Variants in PRPF8 observed in about 807,000 individuals in gnomAD.
PRPF8 encodes the protein pre-mRNA-processing-splicing factor 8.
In PRPF8, 64 loss-of-function variants were observed where a neutral mutation model predicts 285.9. The ratio of observed to expected loss-of-function variants is 0.22; its 90% CI spans 0.18 to 0.28. The LOEUF (loss-of-function observed/expected upper bound fraction) is 0.28. PRPF8 is among the 10% of genes least tolerant of loss of function. The pLI is 1.00. For synonymous variants in PRPF8, 1,325 were observed against 1,118.2 expected, an observed-to-expected ratio of 1.18 and a Z score of -3.69; for missense variants, 1,426 against 3,026.7, an observed-to-expected ratio of 0.47 and a Z score of 12.41.
At position 1,662,593 on chromosome 17, in the gene PRPF8, GA is replaced by G. The variant is rs113600062; in HGVS notation, c.3775-441del. 7.2e-3 allele frequency among the ~76,000 whole-genome samples: 950 copies of G among 132,670 alleles called. 9 individuals are homozygous for G. Among genetic ancestry groups the G allele is most frequent in the African/African-American group, 0.017 (596 of 35,986 alleles). The allele number at this position is 132,670 out of a possible 152,430, so 87.0% of individuals were successfully genotyped here. A position where few individuals can be genotyped will look rare whatever the true frequency, so the allele number is the denominator to read the frequency against. ...AACACAGCGAGACTCCATCTCAGGG[GA>G]AAAAAAAAAAAAAATGGTTCCCCTG... On this transcript the variant is annotated intron_variant, in intron 24 of 42. Transcript: ENST00000304992.
At position 1,659,133 on chromosome 17, in the gene PRPF8, C is replaced by G; in HGVS notation, c.5138+224G>C. 1.5e-6 allele frequency: 1 copy of G among 658,614 alleles called. No individual in the cohort carries two copies. The highest frequency in any genetic ancestry group is 2.7e-6 in the Non-Finnish European group (1 of 370,730). The allele number at this position is 658,614 out of a possible 1,614,324, so 40.8% of individuals were successfully genotyped here. A position where few individuals can be genotyped will look rare whatever the true frequency, so the allele number is the denominator to read the frequency against. On this transcript the variant is annotated intron_variant, in intron 32 of 42. Coordinates refer to ENST00000304992, the MANE Select transcript of PRPF8 (RefSeq NM_006445.4). The surrounding 1 kb of genome is among the most constrained non-coding windows in gnomAD (Gnocchi z 5.1). ...CTCCGCCTCCCGGGTTCAAGTAATT[C>G]TCCCACCTCAACCTTCTGAGTAGCT...
intron 24 of PRPF8, chr17:1,672,877 C>A: frequency 3.2e-6 from 2 of 625,086 alleles, no homozygotes; most frequent in East Asian, 2.7e-5. Flanking sequence ...AAGAAGGAGG[C>A]TACACAATTT....
chr17:1,670,175 T>C (rs1283304246), intron 24 of PRPF8, among the ~76,000 whole-genome samples: 1 of 152,228 alleles, frequency 6.6e-6, no homozygotes, highest in Admixed American at 6.5e-5. Flanking sequence ...ATATGTATCT[T>C]GGAACTGAAG....
chr17:1,657,970 A>T (rs58844762), intron 34 of PRPF8, among the ~76,000 whole-genome samples: 9 of 81,284 alleles, frequency 1.1e-4, no homozygotes, highest in African/African-American at 1.1e-3. Flanking sequence ...GACTCCGGCT[A>T]AAAAAAAAAA....
intron 13 of PRPF8, 23 bp downstream of exon 13, chr17:1,678,495 A>T: frequency 6.2e-7 from 1 of 1,614,110 alleles, no homozygotes; most frequent in Non-Finnish European, 8.5e-7. Context: ...AAAAAAAGAA[A>T]GTCAGTAAAG....
rs200558108 is a variant in PRPF8, at chr17:1,655,475, C to T, written c.5862G>A (p.Leu1954=). 2.8e-5 allele frequency: 45 copies of T among 1,614,098 alleles called. No homozygotes were observed. Among genetic ancestry groups the T allele is most frequent in the East Asian group, 2.2e-4 (10 of 44,892 alleles). ...HVNNDRAKVI[L]KPDKTTITEP... ...CTGTAATAGTAGTCTTGTCTGGCTT[C>T]AGGATCACTTTTGCCCGATCGTTGT... The change falls in exon 37 of 43, where the codon CTG becomes CTA. Residue 1954 remains leucine, a synonymous_variant. Transcript: ENST00000304992.
At position 1,653,343 on chromosome 17, in the gene PRPF8, T is replaced by C; in HGVS notation, c.6369+199A>G. ...AATACTATCAGGCCAATACTACAAT[T>C]ACTACCTTCTCTCAGCTGCCACAGC... On this transcript the variant is annotated intron_variant, in intron 39 of 42. Transcript: ENST00000304992. This position sits in a 1 kb window ranked among gnomAD's most constrained non-coding sequence, Gnocchi z 4.9. 1.4e-6 allele frequency: 1 copy of C among 694,310 alleles called. No homozygotes were observed. Among genetic ancestry groups the C allele is most frequent in the Admixed American group, 2.2e-5 (1 of 46,158 alleles). The allele number at this position is 694,310 out of a possible 1,614,324, so 43.0% of individuals were successfully genotyped here.
chr17:1,669,389 G>A (rs564841152), intron 24 of PRPF8, among the ~76,000 whole-genome samples: 1 of 152,344 alleles, frequency 6.6e-6, no homozygotes, highest in Non-Finnish European at 1.5e-5. Flanking sequence ...ACGGGCGTGA[G>A]CCACTGTGTC....
chr17:1,673,921 C>T lies in PRPF8; in HGVS notation c.3300-29G>A. 1 of 1,608,532 alleles carries T rather than the reference C, an allele frequency of 6.2e-7. No homozygotes were observed. The highest frequency in any genetic ancestry group is 1.3e-5 in the African/African-American group (1 of 74,998). On this transcript the variant is annotated intron_variant, in intron 21 of 42. Transcript: ENST00000304992. The surrounding 1 kb of genome is among the most constrained non-coding windows in gnomAD (Gnocchi z 5.5). ...CACCAGACCAGGTACACTGCTGAGGCCCCAGTACACTGAGATTTGGGACAC... is the reference window on the plus strand; with the variant it reads ...CACCAGACCAGGTACACTGCTGAGGTCCCAGTACACTGAGATTTGGGACAC...
chr17:1,679,637 C>A lies in PRPF8; in HGVS notation c.1261G>T (p.Ala421Ser), dbSNP rs1597248306. 2.5e-6 allele frequency: 4 copies of A among 1,613,876 alleles called. No individual in the cohort carries two copies. The highest frequency in any genetic ancestry group is 3.4e-6 in the Non-Finnish European group (4 of 1,180,022). The change falls in exon 9 of 43, where the codon GCC (alanine) becomes TCC (serine). Residue 421 changes from alanine to serine, a missense_variant. Around this residue, in one of 34 missense-constraint regions of PRPF8, gnomAD observed 137 missense variants for 161.2 expected, o/e 0.85. Coordinates refer to ENST00000304992, the MANE Select transcript of PRPF8 (RefSeq NM_006445.4). This position sits in a 1 kb window ranked among gnomAD's most constrained non-coding sequence, Gnocchi z 4.7. ...TTCTTGACAAGGGGTATGTCCAGGG[C>A]CCGACGGGTGCGACCAGAGCGTAGG... ...FNLRSGRTRR[A>S]LDIPLVKNWY...
intron 24 of PRPF8, among the ~76,000 whole-genome samples, chr17:1,667,213 A>G (rs1912040783): frequency 6.6e-6 from 1 of 152,044 alleles, no homozygotes; most frequent in Admixed American, 6.5e-5. Flanking sequence ...TAGGCTAGAT[A>G]CTGGGGTAAA....
rs750212187 is a variant in PRPF8 at position 1,655,556 on chromosome 17, T to G, written c.5794-13A>C. The G allele has an allele frequency of 5.0e-6, 8 of 1,603,824 alleles. No homozygotes were observed. The highest frequency in any genetic ancestry group is 2.2e-5 in the East Asian group (1 of 44,836). ...GACGGGAGAAGGCCTGGGAAAAGATTTGGAAGAGTGGGGTAGGTCAGCTGC... is the reference window on the plus strand; with the variant it reads ...GACGGGAGAAGGCCTGGGAAAAGATGTGGAAGAGTGGGGTAGGTCAGCTGC... On this transcript the variant is annotated splice_polypyrimidine_tract_variant and intron_variant, in intron 36 of 42. Coordinates refer to ENST00000304992, the MANE Select transcript of PRPF8 (RefSeq NM_006445.4).
At chr17:1,670,647 C>T (rs113828182) in intron 24 of PRPF8, among the ~76,000 whole-genome samples, 13 of 152,166 alleles carry the variant, frequency 8.5e-5, no homozygotes, top group East Asian at 5.8e-4. Flanking sequence ...CCACCACGCC[C>T]GGCTAATTTT....
chr17:1,674,829 T>C, intron 20 of PRPF8, 149 bp from the exon 21 acceptor site: 1 of 847,772 alleles, frequency 1.2e-6, no homozygotes, highest in Non-Finnish European at 2.0e-6. Context: ...GAGAGTGCAC[T>C]GGCGCAATCT....
chr17:1,655,322 T>C (rs368367709), intron 37 of PRPF8, 28 bp downstream of exon 37: 11 of 1,611,820 alleles, frequency 6.8e-6, no homozygotes, highest in African/African-American at 4.0e-5. Context: ...ATAGACCTCC[T>C]GTCTGTGTCC....
In PRPF8 at chr17:1,652,579, T is replaced by C. The variant is rs148206008; in HGVS notation, c.6370-791A>G. On this transcript the variant is annotated intron_variant, in intron 39 of 42. Transcript: ENST00000304992. ...TCTCTTTTTTGAAGCAGGGTATCAC[T>C]CTGTCACCCAGGCTAGCAGGCAGTG... is the stretch of plus-strand genomic sequence containing the variant. 1.7e-3 allele frequency among the ~76,000 whole-genome samples: 257 copies of C among 152,248 alleles called. 3 individuals are homozygous for C. Among genetic ancestry groups the C allele is most frequent in the African/African-American group, 6.0e-3 (249 of 41,538 alleles).
Position 1,675,536 on chromosome 17 carries a change from C to G in PRPF8, c.2872+84G>C. Reference sequence around the variant, plus strand: ...ACTACCACGCATCAAGAGAGTAAACCAATCATGCTACCCAGATGAGATTTT... The same window carrying G: ...ACTACCACGCATCAAGAGAGTAAACGAATCATGCTACCCAGATGAGATTTT... On this transcript the variant is annotated intron_variant, in intron 19 of 42. Coordinates refer to ENST00000304992, the MANE Select transcript of PRPF8 (RefSeq NM_006445.4). This position sits in a 1 kb window ranked among gnomAD's most constrained non-coding sequence, Gnocchi z 6.0. 4.5e-6 allele frequency: 7 copies of G among 1,569,100 alleles called. No homozygotes were observed. The highest frequency in any genetic ancestry group is 6.1e-6 in the Non-Finnish European group (7 of 1,140,432).
At chr17:1,664,233 A>T (rs139709463) in intron 24 of PRPF8, among the ~76,000 whole-genome samples, 48 of 152,074 alleles carry the variant, frequency 3.2e-4, no homozygotes, top group African/African-American at 1.0e-3. Context: ...GGGTTTCGCT[A>T]TGTTGCCCAG....
In PRPF8 at chr17:1,659,169, G is replaced by T; in HGVS notation, c.5138+188C>A. 1 of 707,534 alleles carries T rather than the reference G, an allele frequency of 1.4e-6. No homozygotes were observed. The highest frequency in any genetic ancestry group is 2.5e-6 in the Non-Finnish European group (1 of 401,962). 43.8% of individuals were successfully genotyped at this position (707,534 alleles called of 1,614,324 possible). A position where few individuals can be genotyped will look rare whatever the true frequency, so the allele number is the denominator to read the frequency against. ...ACCTTCTGAGTAGCTGGGACTACAG[G>T]CGTGGACCACCACGCCCAGCTAATT... is the stretch of plus-strand genomic sequence containing the variant. On this transcript the variant is annotated intron_variant, in intron 32 of 42. Coordinates refer to ENST00000304992, the MANE Select transcript of PRPF8 (RefSeq NM_006445.4). This position sits in a 1 kb window ranked among gnomAD's most constrained non-coding sequence, Gnocchi z 5.1.
Sources: gnomAD v4.1 joint callset for allele counts (sites outside exome capture counted in the v4.1 genomes callset) on GRCh38, gnomAD v4.1.1 for gene constraint, gnomAD v4.1.1 regional missense constraint, Gnocchi (gnomAD v3.1) non-coding constraint, MANE v1.5 for transcripts, NCBI Gene and HGNC (gene_info 2026-07-23, HGNC 2026-07-21) for gene names.